The following SH2D4B variants were observed in gnomAD, a reference collection of about 807,000 sequenced individuals.
SH2D4B encodes SH2 domain-containing protein 4B.
In SH2D4B, 45 loss-of-function variants were observed where a neutral mutation model predicts 61.5. The ratio of observed to expected loss-of-function variants is 0.73; its 90% CI spans 0.58 to 0.94. The LOEUF (loss-of-function observed/expected upper bound fraction) is 0.94, where lower values mean the gene tolerates loss of function less well. Ranked by LOEUF, SH2D4B falls within the 40% of genes least tolerant of loss-of-function variation. The pLI is 0.00. For missense variants in SH2D4B, 572 were observed against 574.2 expected (o/e 1.00, Z 0.04); for synonymous variants, 224 against 220.4 (o/e 1.02, Z -0.14).
intron 1 of SH2D4B, among the ~76,000 whole-genome samples, chr10:80,555,383 T>A (rs1213397971): frequency 6.6e-6 from 1 of 152,052 alleles, no homozygotes; most frequent in East Asian, 1.9e-4. Context: ...TGTTCACATT[T>A]CTCTCTGTGC....
chr10:80,615,294 C>T (rs1374138999), intron 6 of SH2D4B, among the ~76,000 whole-genome samples: 1 of 152,236 alleles, frequency 6.6e-6, no homozygotes, highest in Admixed American at 6.5e-5. Flanking sequence ...GACCAGAGAG[C>T]TTGAGAAACT....
chr10:80,570,609 C>T (rs969130051), intron 2 of SH2D4B, among the ~76,000 whole-genome samples: 1 of 152,202 alleles, frequency 6.6e-6, no homozygotes, highest in Non-Finnish European at 1.5e-5. Context: ...CACCCACCAC[C>T]TAATGTAACC....
At chr10:80,584,033 C>T (rs1257855499) in intron 3 of SH2D4B, among the ~76,000 whole-genome samples, 1 of 152,172 alleles carries the variant, frequency 6.6e-6, no homozygotes, top group Non-Finnish European at 1.5e-5. Context: ...TGATAGAAGA[C>T]AAGGAAGTCT....
intron 3 of SH2D4B, among the ~76,000 whole-genome samples, chr10:80,575,246 A>T (rs1007918485): frequency 6.6e-6 from 1 of 151,906 alleles, no homozygotes; most frequent in African/African-American, 2.4e-5. Context: ...GAATATTTAT[A>T]TGCTCACTCA....
rs144792900 is a variant in SH2D4B, at chr10:80,588,673, G to A, written c.539G>A (p.Arg180His). 858 of 1,614,026 alleles carry A rather than the reference G, an allele frequency of 5.3e-4. 3 individuals are homozygous for A. In the African/African-American group the frequency reaches 7.8e-3, roughly 15 times the overall value. Residue 180 changes from arginine to histidine, a missense_variant, in exon 4 of 8, where the codon CGC becomes CAC. By Grantham distance (29) the Arg-to-His change is conservative. Transcript: ENST00000646907. ...AGGAAGCGAGGAGAAGAGCAGATTC[G>A]CCTCCAGGAAGAGCAGAGGGCGAAG... ...EERKRGEEQI[R>H]LQEEQRAKEL...
intron 7 of SH2D4B, among the ~76,000 whole-genome samples, chr10:80,639,053 C>A (rs888726516): frequency 6.6e-6 from 1 of 152,220 alleles, no homozygotes; most frequent in Non-Finnish European, 1.5e-5. Context: ...ACCCAGTAGT[C>A]ATTCAGGAGC....
intron 3 of SH2D4B, among the ~76,000 whole-genome samples, chr10:80,587,503 T>A (rs10785963): frequency 0.54 from 81,502 of 152,052 alleles, 24,623 homozygotes; most frequent in African/African-American, 0.83. Flanking sequence ...GGTCTCAAAC[T>A]TCTGACCTCA....
chr10:80,636,916 T>C (rs182322689), intron 7 of SH2D4B, among the ~76,000 whole-genome samples: 2,172 of 152,306 alleles, frequency 0.014, 46 homozygotes, highest in African/African-American at 0.05. Flanking sequence ...GTTTTTATGG[T>C]TTTAGGTCTA....
At chr10:80,632,809 C>T (rs1420199048) in intron 6 of SH2D4B, among the ~76,000 whole-genome samples, 1 of 152,108 alleles carries the variant, frequency 6.6e-6, no homozygotes, top group South Asian at 2.1e-4. Flanking sequence ...CGGGGTGCAT[C>T]CTCCCTCTTG....
At chr10:80,591,110 C>T (rs1358345082) in intron 4 of SH2D4B, among the ~76,000 whole-genome samples, 8 of 151,110 alleles carry the variant, frequency 5.3e-5, no homozygotes, top group Non-Finnish European at 1.2e-4. Flanking sequence ...TTCTAATGTA[C>T]GCATATACCA....
intron 7 of SH2D4B, among the ~76,000 whole-genome samples, chr10:80,641,390 G>C (rs1840303717): frequency 6.6e-6 from 1 of 152,256 alleles, no homozygotes; most frequent in Non-Finnish European, 1.5e-5. Flanking sequence ...GCTATGCCCT[G>C]CTCACAGAGG....
Position 80,570,283 on chromosome 10 carries a change from G to C in SH2D4B, c.314G>C (p.Arg105Pro). The C allele has an allele frequency of 6.2e-7, 1 of 1,613,634 alleles. No homozygotes were observed. ...ISEELIAERA[R>P]LQAQREAEEL... ...GAGGAGCTGATTGCAGAGAGGGCGC[G>C]GCTGCAGGCACAGAGGGAAGCTGAG... The change falls in exon 2 of 8, where the codon CGG becomes CCG. Residue 105 changes from arginine to proline, a missense_variant. Coordinates refer to ENST00000646907, the MANE Select transcript of SH2D4B (RefSeq NM_001388272.1).
At chr10:80,603,523 G>T (rs1350174937) in intron 4 of SH2D4B, 56 bp from the exon 5 acceptor site, 2 of 1,429,968 alleles carry the variant, frequency 1.4e-6, no homozygotes, top group Non-Finnish European at 1.9e-6. Flanking sequence ...CCCAGCTGGC[G>T]CAGTGCACCG....
intron 6 of SH2D4B, among the ~76,000 whole-genome samples, chr10:80,628,310 G>A (rs1399284672): frequency 6.6e-6 from 1 of 152,178 alleles, no homozygotes; most frequent in East Asian, 1.9e-4. Context: ...CTATTCTCGT[G>A]ATAGCAAATA....
chr10:80,630,973 G>A lies in SH2D4B; in HGVS notation c.989-3312G>A, dbSNP rs1476800108. 1.3e-5 allele frequency among the ~76,000 whole-genome samples: 2 copies of A among 152,282 alleles called. 1 individual carries two copies. Among genetic ancestry groups the A allele is most frequent in the South Asian group, 4.1e-4 (2 of 4,824 alleles). ...TTAGGTGGGTGAGACACATAACATCGTCACTTTGGTATTACTGGTCGTTTT... is the reference window on the plus strand; with the variant it reads ...TTAGGTGGGTGAGACACATAACATCATCACTTTGGTATTACTGGTCGTTTT... On this transcript the variant is annotated intron_variant, in intron 6 of 7. Transcript: ENST00000646907.
Position 80,538,473 on chromosome 10 carries a change from CT to C in SH2D4B, c.143del (p.Leu48ArgfsTer25). On this transcript the variant is annotated frameshift_variant, in exon 1 of 8. Coordinates refer to ENST00000646907, the MANE Select transcript of SH2D4B (RefSeq NM_001388272.1). LOFTEE classifies it high-confidence loss of function. This position sits in a 1 kb window ranked among gnomAD's most constrained non-coding sequence, Gnocchi z 4.8. ...GAAGGAGCGGGAGACTTGGGAGGCC[CT>C]GGCCCAGGACGAGGGTCTCAGGCCT... ...RWKERETWEA[L>X]AQDEGLRPPK... The C allele has an allele frequency of 6.8e-7, 1 of 1,464,624 alleles. No homozygotes were observed. Among genetic ancestry groups the C allele is most frequent in the African/African-American group, 1.4e-5 (1 of 70,432 alleles). The allele number at this position is 1,464,624 out of a possible 1,614,324, so 90.7% of individuals were successfully genotyped here.
chr10:80,557,614 T>C (rs1417898427), intron 1 of SH2D4B, among the ~76,000 whole-genome samples: 1 of 152,192 alleles, frequency 6.6e-6, no homozygotes, highest in African/African-American at 2.4e-5. Flanking sequence ...AATAATTTGC[T>C]TATTTTATCT....
In SH2D4B at chr10:80,538,764, T is replaced by G. The variant is rs577121682; in HGVS notation, c.184+249T>G. Reference sequence around the variant, plus strand: ...TTATTGGAGTCGGGGAGTTGGGACTTGCTTTGTCTTGTTGTGGAAGGCCCG... The same window carrying G: ...TTATTGGAGTCGGGGAGTTGGGACTGGCTTTGTCTTGTTGTGGAAGGCCCG... On this transcript the variant is annotated intron_variant, in intron 1 of 7. Coordinates refer to ENST00000646907, the MANE Select transcript of SH2D4B (RefSeq NM_001388272.1). The surrounding 1 kb of genome is among the most constrained non-coding windows in gnomAD (Gnocchi z 4.8). Among the ~76,000 whole-genome samples the G allele has an allele frequency of 1.2e-4, 18 of 152,290 alleles. No homozygotes were observed. Among genetic ancestry groups the G allele is most frequent in the African/African-American group, 4.1e-4 (17 of 41,562 alleles).
chr10:80,562,838 C>T (rs1841916913), intron 1 of SH2D4B, among the ~76,000 whole-genome samples: 1 of 150,124 alleles, frequency 6.7e-6, no homozygotes, highest in African/African-American at 2.4e-5. Context: ...GAGGTGATAT[C>T]TCAATGTGGT....
Sources: allele counts gnomAD v4.1 joint callset (sites outside exome capture counted in the v4.1 genomes callset), GRCh38; gene constraint gnomAD v4.1.1; non-coding constraint Gnocchi (gnomAD v3.1); transcripts MANE v1.5; gene names NCBI Gene and HGNC (gene_info 2026-07-23, HGNC 2026-07-21).